Variants in ADAM22 observed in about 807,000 individuals in gnomAD.
ADAM22 encodes ADAM metallopeptidase domain 22, also known as disintegrin and metalloproteinase domain-containing protein 22.
ADAM22 carries 65 observed loss-of-function variants against 144.6 expected under a neutral mutation model. The ratio of observed to expected loss-of-function variants is 0.45; its 90% CI spans 0.37 to 0.55. The LOEUF is 0.55. ADAM22 is among the 20% of genes least tolerant of loss of function. ADAM22 has a pLI of 0.00. For synonymous variants in ADAM22, 391 were observed against 412.6 expected (o/e 0.95, Z 0.63); for missense variants, 974 against 1,184.9 (o/e 0.82, Z 2.61).
At chr7:88,063,334 C>T (rs1314346523) in intron 3 of ADAM22, among the ~76,000 whole-genome samples, 5 of 152,002 alleles carry the variant, frequency 3.3e-5, no homozygotes. Flanking sequence ...AAGCAGTAGA[C>T]GTTTGAATAC....
chr7:88,070,524 A>G (rs1812452590), intron 3 of ADAM22, among the ~76,000 whole-genome samples: 2 of 152,152 alleles, frequency 1.3e-5, no homozygotes, highest in Admixed American at 6.6e-5. Context: ...TTGAAAATCT[A>G]TTGCACATTC....
intron 22 of ADAM22, among the ~76,000 whole-genome samples, chr7:88,159,906 C>A (rs369970072): frequency 2.6e-5 from 4 of 152,162 alleles, no homozygotes; most frequent in African/African-American, 9.6e-5. Context: ...CTGGCCAGAG[C>A]AATTAGGCAA....
At chr7:87,943,521 A>G (rs1208128633) in intron 2 of ADAM22, among the ~76,000 whole-genome samples, 3 of 152,172 alleles carry the variant, frequency 2.0e-5, no homozygotes, top group Non-Finnish European at 4.4e-5. Context: ...ATAGAGTACA[A>G]CATGCTGTAT....
rs144698842 is a variant in ADAM22, at chr7:88,063,178, A to G, written c.324-12448A>G. Among the ~76,000 whole-genome samples, 13 of 152,350 alleles carry G rather than the reference A, an allele frequency of 8.5e-5. No individual in the cohort carries two copies. The East Asian group carries it at 2.5e-3, about 29-fold the overall frequency. ...ATAGCAATAACAAGAACAAAAACACAGTATCTGTGAAGCACAATAAAGCAA... is the reference window on the plus strand; with the variant it reads ...ATAGCAATAACAAGAACAAAAACACGGTATCTGTGAAGCACAATAAAGCAA... On this transcript the variant is annotated intron_variant, in intron 3 of 31. Transcript: ENST00000413139.
At chr7:88,051,531 C>A (rs555679320) in intron 3 of ADAM22, among the ~76,000 whole-genome samples, 1 of 151,784 alleles carries the variant, frequency 6.6e-6, no homozygotes, top group Non-Finnish European at 1.5e-5. Context: ...GTGGGGAACA[C>A]CACACACCGG....
chr7:88,036,275 T>C lies in ADAM22; in HGVS notation c.324-39351T>C, dbSNP rs183514053. ...GAAAGAAAATAACCCAGAGTTGTAA[T>C]TGATGCAAGGTTTATTGCCCCTCCC... On this transcript the variant is annotated intron_variant, in intron 3 of 31. Coordinates refer to ENST00000413139, the MANE Select transcript of ADAM22 (RefSeq NM_001324418.2). Among the ~76,000 whole-genome samples, 54 of 152,300 alleles carry C rather than the reference T, an allele frequency of 3.5e-4. No homozygotes were observed. The East Asian group carries it at 5.8e-3, about 16-fold the overall frequency.
intron 3 of ADAM22, among the ~76,000 whole-genome samples, chr7:87,995,129 C>G (rs1790843253): frequency 6.6e-6 from 1 of 152,166 alleles, no homozygotes; most frequent in South Asian, 2.1e-4. Context: ...TAACACATAG[C>G]TATGGATATG....
At position 88,061,517 on chromosome 7, in the gene ADAM22, C is replaced by T. The variant is rs540820831; in HGVS notation, c.324-14109C>T. ...GTGGTGTTAGAAAGTATGAAAACAA[C>T]ATTAATCTTGTACATCTCCATCAGA... On this transcript the variant is annotated intron_variant, in intron 3 of 31. Coordinates refer to ENST00000413139, the MANE Select transcript of ADAM22 (RefSeq NM_001324418.2). Among the ~76,000 whole-genome samples, 45 of 152,304 alleles carry T rather than the reference C, an allele frequency of 3.0e-4. 1 individual carries two copies. The South Asian group carries it at 8.3e-3, about 28-fold the overall frequency.
At chr7:88,183,728 A>C (rs1305472910) in intron 29 of ADAM22, among the ~76,000 whole-genome samples, 1 of 151,790 alleles carries the variant, frequency 6.6e-6, no homozygotes, top group East Asian at 1.9e-4. Flanking sequence ...TTTTGGTTAC[A>C]TGACTCATGT....
chr7:87,976,094 G>C (rs1373423276), intron 2 of ADAM22, among the ~76,000 whole-genome samples: 1 of 152,144 alleles, frequency 6.6e-6, no homozygotes, highest in African/African-American at 2.4e-5. Context: ...GAATGAATCA[G>C]GCAATCAGAA....
At position 88,201,814 on chromosome 7, in the gene ADAM22, T is replaced by G. The variant is rs1478182197; in HGVS notation, c.*5323T>G. On this transcript the variant is annotated 3_prime_UTR_variant, in exon 32 of 32. Coordinates refer to ENST00000413139, the MANE Select transcript of ADAM22 (RefSeq NM_001324418.2). ...TTAAGATAATGCACATACAGAATCA[T>G]CAATAAAGTTTCAAAGAGTTTATGA... 1 of 152,190 alleles carries G rather than the reference T, an allele frequency of 6.6e-6. No homozygotes were observed. Among genetic ancestry groups the G allele is most frequent in the African/African-American group, 2.4e-5 (1 of 41,446 alleles). 9.4% of individuals were successfully genotyped at this position (152,190 alleles called of 1,614,324 possible).
chr7:88,123,767 A>G (rs943870962), intron 7 of ADAM22, among the ~76,000 whole-genome samples: 8 of 151,954 alleles, frequency 5.3e-5, no homozygotes, highest in African/African-American at 1.9e-4. Flanking sequence ...CAAGCACTAA[A>G]TGCCTTACCT....
intron 4 of ADAM22, among the ~76,000 whole-genome samples, chr7:88,086,035 G>T (rs1818368923): frequency 6.6e-6 from 1 of 152,148 alleles, no homozygotes; most frequent in African/African-American, 2.4e-5. Context: ...AATTAGCTGG[G>T]CGTGGTGGCA....
At position 88,050,325 on chromosome 7, in the gene ADAM22, T is replaced by G. The variant is rs372719313; in HGVS notation, c.324-25301T>G. Reference sequence around the variant, plus strand: ...GTAGGATCACTTGAGCCCAGGAGTTTGAGGCTGCAGTGAGCCATGATTGTG... The same window carrying G: ...GTAGGATCACTTGAGCCCAGGAGTTGGAGGCTGCAGTGAGCCATGATTGTG... On this transcript the variant is annotated intron_variant, in intron 3 of 31. Transcript: ENST00000413139. 7.2e-3 allele frequency among the ~76,000 whole-genome samples: 1,093 copies of G among 151,384 alleles called. 3 individuals carry two copies. The highest frequency in any genetic ancestry group is 0.013 in the South Asian group (63 of 4,752).
At chr7:87,969,980 A>G (rs960769969) in intron 2 of ADAM22, among the ~76,000 whole-genome samples, 1 of 152,212 alleles carries the variant, frequency 6.6e-6, no homozygotes, top group Non-Finnish European at 1.5e-5. Context: ...ATGTTCTTAC[A>G]TTTATCATAC....
chr7:88,021,807 A>T (rs1797879314), intron 3 of ADAM22, among the ~76,000 whole-genome samples: 1 of 152,174 alleles, frequency 6.6e-6, no homozygotes, highest in Non-Finnish European at 1.5e-5. Context: ...TTTTCGAGTC[A>T]TAAAAGACTC....
intron 3 of ADAM22, among the ~76,000 whole-genome samples, chr7:88,012,991 GACCAGGGAA>G (rs1217466696): frequency 6.6e-6 from 1 of 152,160 alleles, no homozygotes; most frequent in African/African-American, 2.4e-5. Context: ...GGACTCGGGG[GACCAGGGAA>G]ATCTTCACCA....
Position 88,075,753 on chromosome 7 carries a change from ATTATT to A in ADAM22, c.390+65_390+69del, listed in dbSNP as rs1434122893. 87 of 1,149,812 alleles carry A rather than the reference ATTATT, an allele frequency of 7.6e-5. 1 individual carries two copies. Among genetic ancestry groups the A allele is most frequent in the Middle Eastern group, 2.6e-4 (1 of 3,844 alleles). 71.2% of individuals were successfully genotyped at this position (1,149,812 alleles called of 1,614,324 possible). On this transcript the variant is annotated intron_variant, in intron 4 of 31. Coordinates refer to ENST00000413139, the MANE Select transcript of ADAM22 (RefSeq NM_001324418.2). ...TGAGAATCTTTTAATACTACTGATTATTATTTTAATTTTCAATGATATTTCTAATG... is the reference window on the plus strand; with the variant it reads ...TGAGAATCTTTTAATACTACTGATTATTAATTTTCAATGATATTTCTAATG...
intron 4 of ADAM22, among the ~76,000 whole-genome samples, chr7:88,081,042 G>C (rs549325741): frequency 2.0e-5 from 3 of 152,246 alleles, no homozygotes; most frequent in South Asian, 4.1e-4. Flanking sequence ...CACAAAAAAA[G>C]AGAATTTTAG....
Sources: gnomAD v4.1 joint callset for allele counts (sites outside exome capture counted in the v4.1 genomes callset) on GRCh38, gnomAD v4.1.1 for gene constraint, MANE v1.5 for transcripts, NCBI Gene and HGNC (gene_info 2026-07-23, HGNC 2026-07-21) for gene names.